Variants in RELL1 observed in about 807,000 individuals in gnomAD.
The protein encoded by RELL1 is RELT-like protein 1.
In RELL1, 10 loss-of-function variants were observed where a neutral mutation model predicts 23.0. That is an observed-to-expected ratio of 0.43 (90% confidence interval 0.27 to 0.74). The LOEUF is 0.74. Among genes scored for constraint, RELL1 ranks in the 30% least tolerant of loss-of-function variants. The probability of loss-of-function intolerance (pLI) is 0.19; values close to 1 mark genes in which losing one functional copy is unlikely to be tolerated. For synonymous variants in RELL1, 146 were observed against 146.8 expected, an observed-to-expected ratio of 0.99 and a Z score of 0.04; for missense variants, 315 against 364.4, an observed-to-expected ratio of 0.86 and a Z score of 1.10.
chr4:37,634,425 G>A (rs191192045), intron 5 of RELL1, among the ~76,000 whole-genome samples: 41 of 152,230 alleles, frequency 2.7e-4, no homozygotes, highest in African/African-American at 9.4e-4. Flanking sequence ...AAAATGATAC[G>A]AGCCACTCTC....
chr4:37,674,934 T>C (rs1291238924), intron 1 of RELL1, among the ~76,000 whole-genome samples: 1 of 152,248 alleles, frequency 6.6e-6, no homozygotes, highest in African/African-American at 2.4e-5. Flanking sequence ...TCTTCAACCA[T>C]GCAGCAAAAT....
intron 4 of RELL1, among the ~76,000 whole-genome samples, 179 bp from the exon 5 acceptor site, chr4:37,635,302 A>G (rs1720285997): frequency 6.6e-6 from 1 of 152,174 alleles, no homozygotes; most frequent in South Asian, 2.1e-4. Flanking sequence ...TCTCATGACC[A>G]TGCGATGACA....
chr4:37,662,415 T>G (rs1411349613), intron 1 of RELL1, among the ~76,000 whole-genome samples: 1 of 152,050 alleles, frequency 6.6e-6, no homozygotes, highest in Non-Finnish European at 1.5e-5. Flanking sequence ...GAAAAAGGAC[T>G]TTATGCTGAG....
chr4:37,641,476 T>A (rs116459913), intron 3 of RELL1, among the ~76,000 whole-genome samples: 1 of 152,184 alleles, frequency 6.6e-6, no homozygotes, highest in African/African-American at 2.4e-5. Flanking sequence ...GTTGAAGGTG[T>A]ATCTCCTCCT....
chr4:37,606,458 A>T (rs1719225102), downstream of RELL1, among the ~76,000 whole-genome samples: 1 of 152,218 alleles, frequency 6.6e-6, no homozygotes, highest in African/African-American at 2.4e-5. The surrounding 1 kb of genome is among the most constrained non-coding windows in gnomAD (Gnocchi z 4.1). Context: ...ATATGACCTT[A>T]TCAGGAAATG....
chr4:37,663,776 G>A (rs939444404), intron 1 of RELL1, among the ~76,000 whole-genome samples: 6 of 152,152 alleles, frequency 3.9e-5, no homozygotes, highest in African/African-American at 1.4e-4. Context: ...CGGTGGCCTT[G>A]GGTTTTATCT....
At chr4:37,646,870 G>A (rs1720725472) in intron 3 of RELL1, among the ~76,000 whole-genome samples, 1 of 152,090 alleles carries the variant, frequency 6.6e-6, no homozygotes, top group Non-Finnish European at 1.5e-5. Flanking sequence ...TGGGAACATA[G>A]GAATGTGCCA....
At chr4:37,667,199 G>A (rs1721564098) in intron 1 of RELL1, among the ~76,000 whole-genome samples, 1 of 152,020 alleles carries the variant, frequency 6.6e-6, no homozygotes, top group Non-Finnish European at 1.5e-5. Flanking sequence ...CTGAAAACCA[G>A]TAGCAACCAG....
chr4:37,621,628 C>G (rs931934096), intron 6 of RELL1, among the ~76,000 whole-genome samples: 5 of 152,186 alleles, frequency 3.3e-5, no homozygotes, highest in African/African-American at 1.2e-4. Flanking sequence ...TCCAAAGTCT[C>G]TAGCCTCCAA....
At chr4:37,615,099 A>G (rs1719533436) in intron 6 of RELL1, among the ~76,000 whole-genome samples, 1 of 152,160 alleles carries the variant, frequency 6.6e-6, no homozygotes, top group African/African-American at 2.4e-5. Context: ...CCTATGCACA[A>G]CGCTTAATAC....
exon 7 of RELL1, chr4:37,590,838 TC>T (rs1718567713): frequency 6.2e-7 from 1 of 1,614,242 alleles, no homozygotes. Flanking sequence ...AGGGTCCTGT[TC>T]ATGCCATGCC....
At chr4:37,657,195 T>A (rs1721146120) in intron 1 of RELL1, among the ~76,000 whole-genome samples, 1 of 152,080 alleles carries the variant, frequency 6.6e-6, no homozygotes, top group South Asian at 2.1e-4. Flanking sequence ...AAAAAGGAAA[T>A]AAACAGGCAA....
rs1410776542 is a variant in RELL1 at position 37,612,331 on chromosome 4, A to AC, written c.*1014_*1015insG. Reference sequence around the variant, plus strand: ...TCGCTCAGCTAAAGGTTAAAAAAAAAAAAAAAACAAAAAAAAACAAAAAAC... The same window carrying AC: ...TCGCTCAGCTAAAGGTTAAAAAAAAACAAAAAAACAAAAAAAAACAAAAAAC... On this transcript the variant is annotated 3_prime_UTR_variant, in exon 7 of 7. Coordinates refer to ENST00000454158, the MANE Select transcript of RELL1 (RefSeq NM_001085400.2). Among the ~76,000 whole-genome samples the AC allele has an allele frequency of 3.4e-3, 81 of 24,138 alleles. 1 individual carries two copies. Among genetic ancestry groups the AC allele is most frequent in the Admixed American group, 0.015 (27 of 1,770 alleles). 15.8% of individuals were successfully genotyped at this position (24,138 alleles called of 152,430 possible). A position where few individuals can be genotyped will look rare whatever the true frequency, so the allele number is the denominator to read the frequency against.
rs1553872212 is a variant in RELL1 at position 37,612,322 on chromosome 4, TAAAA to T, written c.*1020_*1023del. 1.2e-5 allele frequency among the ~76,000 whole-genome samples: 1 copy of T among 83,508 alleles called. No individual in the cohort carries two copies. The allele number at this position is 83,508 out of a possible 152,430, so 54.8% of individuals were successfully genotyped here. A position where few individuals can be genotyped will look rare whatever the true frequency, so the allele number is the denominator to read the frequency against. On this transcript the variant is annotated 3_prime_UTR_variant, in exon 7 of 7. Transcript: ENST00000454158. ...AACCAAGAATCGCTCAGCTAAAGGT[TAAAA>T]AAAAAAAAAAAACAAAAAAAAACAA...
chr4:37,670,959 A>G (rs965866518), intron 1 of RELL1, among the ~76,000 whole-genome samples: 13 of 152,174 alleles, frequency 8.5e-5, no homozygotes, highest in Non-Finnish European at 1.8e-4. Flanking sequence ...TCCAGCCCCA[A>G]CGTTTTCATA....
chr4:37,626,940 G>A (rs1189779166), intron 6 of RELL1, among the ~76,000 whole-genome samples: 2 of 152,110 alleles, frequency 1.3e-5, no homozygotes. Context: ...ATAATTTCAA[G>A]AGATCTATTG....
chr4:37,649,458 G>GTCGT lies in RELL1; in HGVS notation c.127_130dup (p.Thr44AsnfsTer40). The GTCGT allele has an allele frequency of 1.2e-6, 2 of 1,614,088 alleles. No homozygotes were observed. Among genetic ancestry groups the GTCGT allele is most frequent in the Non-Finnish European group, 1.7e-6 (2 of 1,179,924 alleles). Reference sequence around the variant, plus strand: ...CCCAGTATCGTTGCTGGGCGACGGGGTCGTCTCTGTTCTGGAGTGCAATGT... The same window carrying GTCGT: ...CCCAGTATCGTTGCTGGGCGACGGGGTCGTTCGTCTCTGTTCTGGAGTGCAATGT... On this transcript the variant is annotated frameshift_variant, in exon 2 of 7. Coordinates refer to ENST00000454158, the MANE Select transcript of RELL1 (RefSeq NM_001085400.2). LOFTEE classifies it high-confidence loss of function.
chr4:37,645,772 G>A (rs746589191), intron 3 of RELL1, among the ~76,000 whole-genome samples: 4 of 152,168 alleles, frequency 2.6e-5, no homozygotes, highest in Non-Finnish European at 5.9e-5. Flanking sequence ...ATGAGATTAC[G>A]TATATAAAGC....
chr4:37,589,150 G>A (rs1255021040), downstream of RELL1, among the ~76,000 whole-genome samples: 4 of 152,120 alleles, frequency 2.6e-5, no homozygotes, highest in Admixed American at 2.6e-4. Context: ...AATTTGGTCT[G>A]GGTTTCTGAG....
Sources: allele counts gnomAD v4.1 joint callset (sites outside exome capture counted in the v4.1 genomes callset), GRCh38; gene constraint gnomAD v4.1.1; non-coding constraint Gnocchi (gnomAD v3.1); transcripts MANE v1.5; gene names NCBI Gene and HGNC (gene_info 2026-07-23, HGNC 2026-07-21).